Variants in MAML3 observed in about 807,000 individuals in gnomAD.
The protein encoded by MAML3 is mastermind like transcriptional coactivator 3, also known as mastermind-like protein 3.
MAML3 carries 27 observed loss-of-function variants against 101.9 expected under a neutral mutation model. That is an observed-to-expected ratio of 0.27 (90% CI 0.20 to 0.37). The LOEUF is 0.37. Among genes scored for constraint, MAML3 ranks in the 10% least tolerant of loss-of-function variants. The pLI is 1.00. For synonymous variants in MAML3, 501 were observed against 555.9 expected (o/e 0.90, Z 1.39); for missense variants, 1,316 against 1,444.9 (o/e 0.91, Z 1.45).
At chr4:139,768,643 T>C (rs1265521817) in intron 2 of MAML3, among the ~76,000 whole-genome samples, 1 of 152,210 alleles carries the variant, frequency 6.6e-6, no homozygotes, top group Non-Finnish European at 1.5e-5. Flanking sequence ...GCAAAACCAA[T>C]GTGGATTCCT....
chr4:139,897,948 C>T (rs912591996), intron 1 of MAML3, among the ~76,000 whole-genome samples: 5 of 152,206 alleles, frequency 3.3e-5, no homozygotes, highest in Non-Finnish European at 5.9e-5. Flanking sequence ...TTTGTTTTCT[C>T]TCTTTCTGAG....
At chr4:139,881,162 G>A (rs900140193) in intron 2 of MAML3, among the ~76,000 whole-genome samples, 1 of 152,156 alleles carries the variant, frequency 6.6e-6, no homozygotes, top group Non-Finnish European at 1.5e-5. Flanking sequence ...CTGCAATCCT[G>A]TATAATTAAG....
At chr4:139,858,596 G>A (rs1273858918) in intron 2 of MAML3, among the ~76,000 whole-genome samples, 1 of 152,024 alleles carries the variant, frequency 6.6e-6, no homozygotes, top group African/African-American at 2.4e-5. Flanking sequence ...CACACAGCTA[G>A]TTAATACTCA....
At chr4:139,972,608 A>C (rs1477485933) in intron 1 of MAML3, among the ~76,000 whole-genome samples, 1 of 152,202 alleles carries the variant, frequency 6.6e-6, no homozygotes, top group Non-Finnish European at 1.5e-5. Flanking sequence ...CTAAAATGAG[A>C]GAAGGTTTTG....
chr4:139,973,857 T>C (rs1734271374), intron 1 of MAML3, among the ~76,000 whole-genome samples: 1 of 152,192 alleles, frequency 6.6e-6, no homozygotes, highest in African/African-American at 2.4e-5. Context: ...CATGCAGAGA[T>C]GATAGAATTA....
Position 140,111,217 on chromosome 4 carries a change from C to T in MAML3, c.468+41643G>A, listed in dbSNP as rs534313419. ...GCCAAAGGCCTCTGTAACACAGCCA[C>T]GTTAATTATTTGGTGGCTGCTGGAT... On this transcript the variant is annotated intron_variant, in intron 1 of 4. Transcript: ENST00000509479. Among the ~76,000 whole-genome samples, 9 of 152,264 alleles carry T rather than the reference C, an allele frequency of 5.9e-5. No individual in the cohort carries two copies. In the East Asian group the frequency reaches 1.7e-3, roughly 29 times the overall value.
intron 1 of MAML3, among the ~76,000 whole-genome samples, chr4:140,082,013 C>T (rs1228014306): frequency 6.6e-6 from 1 of 152,174 alleles, no homozygotes. Context: ...CCACCAATGA[C>T]ACAAAAACAG....
intron 1 of MAML3, among the ~76,000 whole-genome samples, chr4:140,133,444 T>G (rs1237939596): frequency 6.6e-6 from 1 of 152,196 alleles, no homozygotes; most frequent in Non-Finnish European, 1.5e-5. Flanking sequence ...AGGGCATTTT[T>G]TGAATGTTTG....
intron 2 of MAML3, among the ~76,000 whole-genome samples, chr4:139,742,294 G>A (rs927670525): frequency 1.3e-5 from 2 of 152,048 alleles, no homozygotes; most frequent in African/African-American, 2.4e-5. Context: ...GATTACAGGC[G>A]TGTGCCACCA....
intron 1 of MAML3, among the ~76,000 whole-genome samples, chr4:139,984,832 G>T (rs1298977406): frequency 6.6e-6 from 1 of 152,174 alleles, no homozygotes; most frequent in African/African-American, 2.4e-5. Flanking sequence ...AAGTGAACTG[G>T]CTAGTGATGT....
chr4:140,144,739 T>C (rs576230410), intron 1 of MAML3, among the ~76,000 whole-genome samples: 2 of 152,266 alleles, frequency 1.3e-5, no homozygotes, highest in Admixed American at 6.5e-5. Flanking sequence ...AATAGGTTAC[T>C]AAAAGCATGC....
chr4:140,013,457 C>T (rs560315160), intron 1 of MAML3, among the ~76,000 whole-genome samples: 4 of 152,272 alleles, frequency 2.6e-5, no homozygotes, highest in South Asian at 2.1e-4. Context: ...TCTCTGTTAC[C>T]GCAAATCCTA....
At chr4:139,934,596 T>A (rs1297165440) in intron 1 of MAML3, among the ~76,000 whole-genome samples, 2 of 152,128 alleles carry the variant, frequency 1.3e-5, no homozygotes, top group East Asian at 3.8e-4. Context: ...TCGGCTTTCT[T>A]ATTTCTACCC....
intron 2 of MAML3, among the ~76,000 whole-genome samples, chr4:139,747,996 G>A (rs1176960575): frequency 2.1e-5 from 3 of 144,632 alleles, no homozygotes; most frequent in African/African-American, 7.7e-5. Context: ...GGAGGTTGCA[G>A]TGAGCCAAGA....
At chr4:139,977,648 G>A (rs1734366402) in intron 1 of MAML3, among the ~76,000 whole-genome samples, 1 of 152,086 alleles carries the variant, frequency 6.6e-6, no homozygotes, top group South Asian at 2.1e-4. Context: ...CGAGGCGGTT[G>A]GATCACCTGA....
intron 1 of MAML3, among the ~76,000 whole-genome samples, chr4:140,131,936 A>G (rs1728800899): frequency 6.6e-6 from 1 of 152,234 alleles, no homozygotes; most frequent in Non-Finnish European, 1.5e-5. Context: ...TCTATTTGAG[A>G]CATCAGAGAT....
At chr4:139,965,655 A>ATCATTTCT (rs1734116361) in intron 1 of MAML3, among the ~76,000 whole-genome samples, 1 of 152,254 alleles carries the variant, frequency 6.6e-6, no homozygotes, top group Non-Finnish European at 1.5e-5. Flanking sequence ...TTTCTAACAC[A>ATCATTTCT]TCATTTCTTC....
intron 1 of MAML3, among the ~76,000 whole-genome samples, chr4:139,958,904 A>G (rs1733959795): frequency 6.6e-6 from 1 of 152,226 alleles, no homozygotes; most frequent in African/African-American, 2.4e-5. Flanking sequence ...TTCTTGCAAT[A>G]GTATTGGACT....
At chr4:139,772,468 A>G (rs1266579884) in intron 2 of MAML3, among the ~76,000 whole-genome samples, 1 of 151,230 alleles carries the variant, frequency 6.6e-6, no homozygotes, top group South Asian at 2.1e-4. Flanking sequence ...CAGCCTCCCA[A>G]GTAGCTGGGA....
Sources: gnomAD v4.1 joint callset for allele counts (sites outside exome capture counted in the v4.1 genomes callset) on GRCh38, gnomAD v4.1.1 for gene constraint, MANE v1.5 for transcripts, NCBI Gene and HGNC (gene_info 2026-07-23, HGNC 2026-07-21) for gene names.